Variants in FAM13A observed in about 807,000 individuals in gnomAD.
FAM13A encodes the protein protein FAM13A.
FAM13A carries 76 observed loss-of-function variants against 129.6 expected under a neutral mutation model. The ratio of observed to expected loss-of-function variants is 0.59; its 90% CI spans 0.49 to 0.71. The LOEUF (loss-of-function observed/expected upper bound fraction) is 0.71. FAM13A is among the 30% of genes least tolerant of loss of function. FAM13A has a pLI of 0.00. For synonymous variants in FAM13A, 443 were observed against 449.9 expected (o/e 0.98, Z 0.20); for missense variants, 1,108 against 1,249.3 (o/e 0.89, Z 1.70).
intron 5 of FAM13A, among the ~76,000 whole-genome samples, chr4:88,922,845 C>T (rs977375671): frequency 2.0e-4 from 31 of 151,960 alleles, no homozygotes; most frequent in African/African-American, 6.8e-4. Context: ...CAAATAGACG[C>T]AATAAAAAAT....
At chr4:88,870,121 TA>T (rs34310867) in intron 6 of FAM13A, among the ~76,000 whole-genome samples, 155 of 146,766 alleles carry the variant, frequency 1.1e-3, no homozygotes, top group Non-Finnish European at 1.2e-3. Flanking sequence ...ATTTCTGTTG[TA>T]AAAAAAAAAA....
intron 6 of FAM13A, among the ~76,000 whole-genome samples, chr4:88,874,777 T>C (rs1446268189): frequency 2.0e-5 from 3 of 152,140 alleles, no homozygotes; most frequent in Non-Finnish European, 4.4e-5. Flanking sequence ...CTTCACAGAA[T>C]TGGAAAAAAC....
chr4:88,881,744 A>G (rs1266101096), intron 6 of FAM13A, among the ~76,000 whole-genome samples: 1 of 152,168 alleles, frequency 6.6e-6, no homozygotes, highest in Non-Finnish European at 1.5e-5. Flanking sequence ...TAACATATGA[A>G]GGGAAAAATC....
Position 88,812,456 on chromosome 4 carries a change from A to G in FAM13A, c.1008-7404T>C, listed in dbSNP as rs147516481. ...AATCTGGCACATGAAGTCCCTCCCAATTGCAACCCAACATATCTCTACAAA... is the reference window on the plus strand; with the variant it reads ...AATCTGGCACATGAAGTCCCTCCCAGTTGCAACCCAACATATCTCTACAAA... On this transcript the variant is annotated intron_variant, in intron 7 of 23. Transcript: ENST00000264344. 4.3e-4 allele frequency among the ~76,000 whole-genome samples: 65 copies of G among 152,242 alleles called. No individual in the cohort carries two copies. The East Asian group carries it at 0.012, about 29-fold the overall frequency.
At chr4:88,976,171 G>A (rs1760872449) in intron 4 of FAM13A, among the ~76,000 whole-genome samples, 2 of 152,158 alleles carry the variant, frequency 1.3e-5, no homozygotes, top group Non-Finnish European at 2.9e-5. Flanking sequence ...AGTTTTGGCT[G>A]AGCCTTTCTC....
At chr4:88,882,008 ATTG>A (rs1423397802) in intron 6 of FAM13A, among the ~76,000 whole-genome samples, 1 of 152,122 alleles carries the variant, frequency 6.6e-6, no homozygotes, top group African/African-American at 2.4e-5. Flanking sequence ...CCTAACCATA[ATTG>A]TTGTTCCCGA....
intron 11 of FAM13A, among the ~76,000 whole-genome samples, chr4:88,770,794 G>C (rs1266894899): frequency 3.9e-5 from 6 of 152,132 alleles, no homozygotes; most frequent in Non-Finnish European, 8.8e-5. Flanking sequence ...GCAGTTGTGA[G>C]ATGTGAGAAA....
At chr4:88,753,745 T>A in intron 14 of FAM13A, 1 of 288,660 alleles carries the variant, frequency 3.5e-6, no homozygotes, top group Non-Finnish European at 5.2e-6. Context: ...AATAAAACTG[T>A]TCCCCATTTT....
intron 23 of FAM13A, chr4:88,729,059 G>GTTTTTTTTTTTTTTTTTTTTTTTTTTTAT (rs529829067): frequency 1.3e-5 from 1 of 78,404 alleles, no homozygotes; most frequent in African/African-American, 6.5e-5. Flanking sequence ...CCACAACTTA[G>GTTTTTTTTTTTTTTTTTTTTTTTTTTTAT]TTTTTTTTTT....
chr4:88,886,870 G>T (rs187353145), intron 6 of FAM13A, among the ~76,000 whole-genome samples: 71 of 151,130 alleles, frequency 4.7e-4, no homozygotes, highest in African/African-American at 1.7e-3. Context: ...TCATGCCATT[G>T]CACTCCAGCC....
intron 7 of FAM13A, among the ~76,000 whole-genome samples, chr4:88,839,399 G>C (rs1006527684): frequency 5.3e-5 from 8 of 152,204 alleles, no homozygotes; most frequent in African/African-American, 1.9e-4. Context: ...AGGCAATAGA[G>C]TGTATAGAGG....
At chr4:89,028,206 CAAAA>C (rs35426702) in intron 2 of FAM13A, among the ~76,000 whole-genome samples, 1 of 78,600 alleles carries the variant, frequency 1.3e-5, no homozygotes, top group Non-Finnish European at 2.6e-5. Flanking sequence ...ACCTCCGTCT[CAAAA>C]AAAAAAAAAA....
chr4:88,755,080 C>T (rs1743362130), intron 14 of FAM13A, among the ~76,000 whole-genome samples: 1 of 152,042 alleles, frequency 6.6e-6, no homozygotes, highest in African/African-American at 2.4e-5. Flanking sequence ...TCAAATGCAC[C>T]ATTTCCCCAA....
At position 88,925,573 on chromosome 4, in the gene FAM13A, G is replaced by T. The variant is rs1418832533; in HGVS notation, c.759+12515C>A. ...ACTGTTGTGGGGTGGGGGGAGGGGG[G>T]AGGTATATCTCCTAATGCTAAATGT... On this transcript the variant is annotated intron_variant, in intron 5 of 23. Transcript: ENST00000264344. 2.3e-5 allele frequency among the ~76,000 whole-genome samples: 3 copies of T among 130,536 alleles called. No individual in the cohort carries two copies. In the East Asian group the frequency reaches 8.0e-4, roughly 35 times the overall value. 85.6% of individuals were successfully genotyped at this position (130,536 alleles called of 152,430 possible). A position where few individuals can be genotyped will look rare whatever the true frequency, so the allele number is the denominator to read the frequency against.
intron 3 of FAM13A, among the ~76,000 whole-genome samples, chr4:88,991,469 A>T (rs1486835759): frequency 6.6e-6 from 1 of 152,088 alleles, no homozygotes; most frequent in African/African-American, 2.4e-5. Flanking sequence ...AATAAAAAGA[A>T]TTACTAACTT....
intron 3 of FAM13A, among the ~76,000 whole-genome samples, chr4:88,996,434 G>A (rs541421447): frequency 2.6e-5 from 4 of 152,244 alleles, no homozygotes; most frequent in Admixed American, 2.6e-4. Context: ...ACGTGGGGGC[G>A]GATTCAGAAT....
At chr4:88,996,017 A>G (rs552483868) in intron 3 of FAM13A, among the ~76,000 whole-genome samples, 1 of 152,306 alleles carries the variant, frequency 6.6e-6, no homozygotes, top group South Asian at 2.1e-4. Flanking sequence ...ATACCATGAC[A>G]TTTGAGCAGA....
intron 7 of FAM13A, among the ~76,000 whole-genome samples, chr4:88,843,331 G>A (rs1242352104): frequency 2.0e-5 from 3 of 152,182 alleles, no homozygotes; most frequent in Non-Finnish European, 2.9e-5. Context: ...CCCCGCAGTC[G>A]GCTATGATAT....
intron 4 of FAM13A, among the ~76,000 whole-genome samples, chr4:88,952,685 C>T (rs746838025): frequency 3.9e-5 from 6 of 152,132 alleles, no homozygotes; most frequent in Non-Finnish European, 7.4e-5. Flanking sequence ...CAGTGGCTCA[C>T]GCCTGTAATC....
Sources: gnomAD v4.1 joint callset for allele counts (sites outside exome capture counted in the v4.1 genomes callset) on GRCh38, gnomAD v4.1.1 for gene constraint, MANE v1.5 for transcripts, NCBI Gene and HGNC (gene_info 2026-07-23, HGNC 2026-07-21) for gene names.